Variants in DSCAM observed in about 807,000 individuals in gnomAD.
DSCAM encodes the protein DS cell adhesion molecule.
DSCAM carries 47 observed loss-of-function variants against 217.7 expected under a neutral mutation model. The observed-to-expected ratio is 0.22, with a 90% confidence interval of 0.17 to 0.28. The LOEUF is 0.28. Ranked by LOEUF, DSCAM falls within the 10% of genes least tolerant of loss-of-function variation. DSCAM has a pLI of 1.00. For synonymous variants in DSCAM, 1,056 were observed against 1,015.3 expected (o/e 1.04, Z -0.76); for missense variants, 2,080 against 2,618.3 (o/e 0.79, Z 4.49).
chr21:40,154,283 C>T (rs1422431390), intron 16 of DSCAM, among the ~76,000 whole-genome samples: 2 of 151,192 alleles, frequency 1.3e-5, no homozygotes, highest in Non-Finnish European at 2.9e-5. Flanking sequence ...CACAGGGTCT[C>T]ACTCTGTCAC....
At chr21:40,635,968 C>T (rs1192769202) in intron 3 of DSCAM, among the ~76,000 whole-genome samples, 2 of 152,096 alleles carry the variant, frequency 1.3e-5, no homozygotes, top group African/African-American at 4.8e-5. Flanking sequence ...CCCTATAGGA[C>T]CCAAACACGC....
intron 32 of DSCAM, among the ~76,000 whole-genome samples, chr21:40,014,014 G>C (rs1051035990): frequency 6.6e-6 from 1 of 152,238 alleles, no homozygotes; most frequent in African/African-American, 2.4e-5. Flanking sequence ...GCTTAGACCA[G>C]AATTCTAGTG....
intron 3 of DSCAM, among the ~76,000 whole-genome samples, chr21:40,628,989 T>C (rs2089644266): frequency 1.3e-5 from 2 of 152,166 alleles, no homozygotes; most frequent in Admixed American, 6.5e-5. Flanking sequence ...TCAAGCAATC[T>C]GCCGGCCTCG....
At chr21:40,665,545 C>T (rs77670025) in intron 3 of DSCAM, among the ~76,000 whole-genome samples, 4,223 of 152,270 alleles carry the variant, frequency 0.028, 170 homozygotes, top group African/African-American at 0.088. Context: ...AATTCCCTGA[C>T]CTCTGACAGG....
Position 40,825,980 on chromosome 21 carries a change from T to C in DSCAM, c.43+20639A>G, listed in dbSNP as rs1357172392. ...TTCATTGGTTTAATTATTCAATCAG[T>C]AACTACTTACTGGGCACCTGCAGCC... On this transcript the variant is annotated intron_variant, in intron 1 of 32. Coordinates refer to ENST00000400454, the MANE Select transcript of DSCAM (RefSeq NM_001389.5). 3.3e-5 allele frequency among the ~76,000 whole-genome samples: 5 copies of C among 152,222 alleles called. No individual in the cohort carries two copies. The South Asian group carries it at 1.0e-3, about 32-fold the overall frequency.
At chr21:40,325,418 T>A (rs2074306931) in intron 8 of DSCAM, among the ~76,000 whole-genome samples, 1 of 152,008 alleles carries the variant, frequency 6.6e-6, no homozygotes, top group Non-Finnish European at 1.5e-5. Context: ...AATAGAGACA[T>A]AGAACAAATA....
chr21:40,181,526 A>G (rs965889262), intron 14 of DSCAM, among the ~76,000 whole-genome samples: 6 of 152,162 alleles, frequency 3.9e-5, no homozygotes, highest in African/African-American at 1.4e-4. Flanking sequence ...AAAGTCAAGA[A>G]ACTCAAGCCC....
At chr21:40,800,962 CT>C (rs200592326) in intron 1 of DSCAM, among the ~76,000 whole-genome samples, 176 of 141,940 alleles carry the variant, frequency 1.2e-3, no homozygotes, top group Middle Eastern at 3.6e-3. Flanking sequence ...CTTTCTTCTC[CT>C]TTTTTTTTTT....
intron 4 of DSCAM, among the ~76,000 whole-genome samples, chr21:40,359,532 T>C (rs188792360): frequency 1.3e-4 from 20 of 152,322 alleles, no homozygotes; most frequent in Admixed American, 1.2e-3. Flanking sequence ...CAAATGTCCA[T>C]AGCAGGATTA....
Position 40,619,896 on chromosome 21 carries a change from T to A in DSCAM, c.508+72914A>T, listed in dbSNP as rs1008667648. On this transcript the variant is annotated intron_variant, in intron 3 of 32. Transcript: ENST00000400454. ...AATTAAGGTAATATCATTTAAACCG[T>A]ATGAGATAACACTATGAAATCTAGT... is the stretch of plus-strand genomic sequence containing the variant. Among the ~76,000 whole-genome samples, 6 of 144,176 alleles carry A rather than the reference T, an allele frequency of 4.2e-5. No homozygotes were observed. The East Asian group carries it at 6.0e-4, about 14-fold the overall frequency. 94.6% of individuals were successfully genotyped at this position (144,176 alleles called of 152,430 possible).
intron 16 of DSCAM, among the ~76,000 whole-genome samples, chr21:40,150,537 G>C (rs954030549): frequency 1.3e-5 from 2 of 152,178 alleles, no homozygotes; most frequent in Admixed American, 1.3e-4. Context: ...TATATTAAGT[G>C]TAAGAAATGT....
intron 26 of DSCAM, among the ~76,000 whole-genome samples, chr21:40,077,177 C>T (rs1470009210): frequency 1.3e-5 from 2 of 152,102 alleles, no homozygotes; most frequent in East Asian, 1.9e-4. Context: ...GGACAGAGCC[C>T]GTGCAGAGGC....
At chr21:40,451,457 G>T (rs1010286337) in intron 3 of DSCAM, among the ~76,000 whole-genome samples, 3 of 152,070 alleles carry the variant, frequency 2.0e-5, no homozygotes, top group African/African-American at 7.2e-5. Context: ...AGATAATTGA[G>T]TGTTTCTTGG....
chr21:40,828,179 GA>G (rs1394228008), intron 1 of DSCAM, among the ~76,000 whole-genome samples: 11 of 152,274 alleles, frequency 7.2e-5, no homozygotes, highest in African/African-American at 2.4e-4. Flanking sequence ...GAGGCGGGGG[GA>G]CTGTTTGAGC....
At chr21:40,151,127 C>T (rs766773768) in intron 16 of DSCAM, among the ~76,000 whole-genome samples, 3 of 152,286 alleles carry the variant, frequency 2.0e-5, no homozygotes, top group African/African-American at 7.2e-5. Context: ...ACTAATGCCT[C>T]CTGGGTGTTG....
intron 6 of DSCAM, among the ~76,000 whole-genome samples, chr21:40,343,836 ATTT>A (rs943482356): frequency 3.7e-5 from 5 of 136,894 alleles, no homozygotes; most frequent in African/African-American, 1.3e-4. Flanking sequence ...ACTTTATTTT[ATTT>A]ATTATTATTT....
At chr21:40,554,480 A>G (rs981984796) in intron 3 of DSCAM, among the ~76,000 whole-genome samples, 15 of 152,154 alleles carry the variant, frequency 9.9e-5, no homozygotes, top group Admixed American at 6.5e-5. Flanking sequence ...CACCTTGTGG[A>G]CAATTTTGGG....
chr21:40,045,411 G>A (rs1230742945), intron 30 of DSCAM, among the ~76,000 whole-genome samples: 1 of 152,182 alleles, frequency 6.6e-6, no homozygotes, highest in Non-Finnish European at 1.5e-5. Flanking sequence ...GGGTTAAGCT[G>A]GTGCCAGATG....
At chr21:40,780,910 T>G (rs992131718) in intron 1 of DSCAM, among the ~76,000 whole-genome samples, 3 of 152,346 alleles carry the variant, frequency 2.0e-5, no homozygotes. Flanking sequence ...GGTATAATAC[T>G]AGAATATTTC....
Sources: allele counts gnomAD v4.1 joint callset (sites outside exome capture counted in the v4.1 genomes callset), GRCh38; gene constraint gnomAD v4.1.1; transcripts MANE v1.5; gene names NCBI Gene and HGNC (gene_info 2026-07-23, HGNC 2026-07-21).